The following FARS2 variants were observed in gnomAD, a reference collection of about 807,000 sequenced individuals.
FARS2 encodes the protein phenylalanyl-tRNA synthetase 2, mitochondrial.
FARS2 carries 40 observed loss-of-function variants against 46.4 expected under a neutral mutation model. The observed-to-expected ratio is 0.86, with a 90% CI of 0.67 to 1.12. FARS2 has a LOEUF of 1.12. FARS2 is among the 50% of genes most tolerant of loss of function. FARS2 has a pLI of 0.00. For synonymous variants in FARS2, 234 were observed against 214.9 expected (o/e 1.09, Z -0.78); for missense variants, 513 against 567.9 (o/e 0.90, Z 0.98).
At chr6:5,420,370 G>A (rs1762476173) in intron 3 of FARS2, among the ~76,000 whole-genome samples, 2 of 152,180 alleles carry the variant, frequency 1.3e-5, no homozygotes, top group African/African-American at 2.4e-5. Flanking sequence ...TCATTTCAGT[G>A]TTAACTCAAA....
chr6:5,627,761 C>T (rs1435007541), intron 6 of FARS2, among the ~76,000 whole-genome samples: 1 of 152,200 alleles, frequency 6.6e-6, no homozygotes, highest in Non-Finnish European at 1.5e-5. Flanking sequence ...ATTCCATCAA[C>T]AACGTATGTT....
intron 5 of FARS2, among the ~76,000 whole-genome samples, chr6:5,549,923 G>C (rs529789998): frequency 1.7e-4 from 26 of 152,166 alleles, no homozygotes; most frequent in South Asian, 6.2e-4. Context: ...AATCCAAAAT[G>C]TCATCTAAAT....
At chr6:5,731,725 G>A (rs184098562) in intron 6 of FARS2, among the ~76,000 whole-genome samples, 1 of 152,142 alleles carries the variant, frequency 6.6e-6, no homozygotes, top group South Asian at 2.1e-4. Context: ...GGGACACGCT[G>A]TTTGATCTCT....
At chr6:5,688,138 A>G (rs1174134065) in intron 6 of FARS2, among the ~76,000 whole-genome samples, 1 of 152,240 alleles carries the variant, frequency 6.6e-6, no homozygotes, top group Non-Finnish European at 1.5e-5. Context: ...CAATCATGTC[A>G]TCTGCAAACA....
chr6:5,350,771 G>A (rs1271673450), intron 1 of FARS2, among the ~76,000 whole-genome samples: 2 of 152,104 alleles, frequency 1.3e-5, no homozygotes, highest in Non-Finnish European at 1.5e-5. Flanking sequence ...TGTTATCATG[G>A]GGAGAAATTG....
chr6:5,446,981 A>G (rs1764219922), intron 4 of FARS2, among the ~76,000 whole-genome samples: 1 of 152,144 alleles, frequency 6.6e-6, no homozygotes, highest in South Asian at 2.1e-4. Context: ...ACTTAGGTGG[A>G]GGAGGTTGGA....
chr6:5,660,476 A>C (rs1297026117), intron 6 of FARS2, among the ~76,000 whole-genome samples: 2 of 151,980 alleles, frequency 1.3e-5, no homozygotes, highest in African/African-American at 4.8e-5. Flanking sequence ...TGAGACCCCC[A>C]TCTCTACAAA....
chr6:5,497,763 A>C (rs1005045931), intron 4 of FARS2, among the ~76,000 whole-genome samples: 1 of 152,204 alleles, frequency 6.6e-6, no homozygotes, highest in Admixed American at 6.5e-5. Flanking sequence ...TTTTATTTTA[A>C]ATAGAATTTT....
At chr6:5,514,089 C>T (rs1278961978) in intron 4 of FARS2, among the ~76,000 whole-genome samples, 1 of 147,068 alleles carries the variant, frequency 6.8e-6, no homozygotes, top group African/African-American at 2.5e-5. Context: ...AAAATCTGGA[C>T]ATATATATAT....
intron 1 of FARS2, among the ~76,000 whole-genome samples, chr6:5,296,973 A>G (rs1163098300): frequency 6.6e-6 from 1 of 152,208 alleles, no homozygotes; most frequent in African/African-American, 2.4e-5. Context: ...TGATAATTCT[A>G]TGTTTAATTT....
In FARS2 at chr6:5,765,949, A is replaced by G. The variant is rs1762729428; in HGVS notation, c.1218-5342A>G. On this transcript the variant is annotated intron_variant, in intron 6 of 6. Coordinates refer to ENST00000274680, the MANE Select transcript of FARS2 (RefSeq NM_006567.5). This position sits in a 1 kb window ranked among gnomAD's most constrained non-coding sequence, Gnocchi z 4.0. ...GAGGTTCAAACATTCTAAGATGCCT[A>G]TACCAAAATCTTTAAAAAAAATCAA... 1.3e-5 allele frequency among the ~76,000 whole-genome samples: 2 copies of G among 152,232 alleles called. No individual in the cohort carries two copies. Among genetic ancestry groups the G allele is most frequent in the South Asian group, 2.1e-4 (1 of 4,834 alleles).
intron 5 of FARS2, among the ~76,000 whole-genome samples, chr6:5,585,284 A>G (rs866618711): frequency 1.3e-5 from 2 of 152,180 alleles, no homozygotes; most frequent in African/African-American, 4.8e-5. Context: ...CATATCCATC[A>G]CCACTCAGTT....
chr6:5,268,941 A>C, intron 1 of FARS2, among the ~76,000 whole-genome samples: 1 of 152,152 alleles, frequency 6.6e-6, no homozygotes, highest in East Asian at 1.9e-4. Flanking sequence ...TTGGATTCCT[A>C]GGTATTAGAA....
chr6:5,282,587 G>T (rs1162088755), intron 1 of FARS2, among the ~76,000 whole-genome samples: 26 of 152,244 alleles, frequency 1.7e-4, no homozygotes, highest in Non-Finnish European at 3.2e-4. Context: ...TGATCAGCTG[G>T]AGTGTGCGAT....
At chr6:5,382,167 C>T (rs895733896) in intron 2 of FARS2, among the ~76,000 whole-genome samples, 4 of 152,190 alleles carry the variant, frequency 2.6e-5, no homozygotes, top group Admixed American at 6.5e-5. Context: ...GAAAGATTTA[C>T]GTTTGACAAA....
intron 6 of FARS2, among the ~76,000 whole-genome samples, chr6:5,615,689 T>C (rs1196993886): frequency 3.3e-5 from 5 of 152,180 alleles, no homozygotes; most frequent in African/African-American, 1.2e-4. Context: ...ATCGCTTTTT[T>C]GCCGCTCATA....
intron 6 of FARS2, among the ~76,000 whole-genome samples, chr6:5,692,792 C>G (rs1466806122): frequency 4.6e-5 from 7 of 152,150 alleles, no homozygotes; most frequent in African/African-American, 1.7e-4. Flanking sequence ...GTGTGCGTCA[C>G]TATTTTTATA....
chr6:5,256,137 T>C (rs1174562184), upstream of FARS2, among the ~76,000 whole-genome samples: 1 of 151,904 alleles, frequency 6.6e-6, no homozygotes, highest in Non-Finnish European at 1.5e-5. Flanking sequence ...GATGCTATTC[T>C]AGGGAACATC....
At chr6:5,389,027 C>T (rs1760317858) in intron 2 of FARS2, among the ~76,000 whole-genome samples, 1 of 152,210 alleles carries the variant, frequency 6.6e-6, no homozygotes, top group African/African-American at 2.4e-5. Context: ...CCTCCCCTCA[C>T]ATCCACAGAT....
Sources: allele counts gnomAD v4.1 joint callset (sites outside exome capture counted in the v4.1 genomes callset), GRCh38; gene constraint gnomAD v4.1.1; non-coding constraint Gnocchi (gnomAD v3.1); transcripts MANE v1.5; gene names NCBI Gene and HGNC (gene_info 2026-07-23, HGNC 2026-07-21).